The following TMOD3 variants were observed in gnomAD, a reference collection of about 807,000 sequenced individuals.
TMOD3 encodes the protein tropomodulin 3, also known as tropomodulin-3.
A neutral mutation model predicts 39.2 loss-of-function variants in TMOD3; 20 were observed. The ratio of observed to expected loss-of-function variants is 0.51; its 90% confidence interval spans 0.36 to 0.74. The LOEUF is 0.74. Among genes scored for constraint, TMOD3 ranks in the 30% least tolerant of loss-of-function variants. The probability of loss-of-function intolerance (pLI) is 0.00; values close to 1 mark genes in which losing one functional copy is unlikely to be tolerated. For missense variants in TMOD3, 381 were observed against 412.8 expected (o/e 0.92, Z 0.67); for synonymous variants, 143 against 145.8 (o/e 0.98, Z 0.14).
In TMOD3 at chr15:51,901,901, T is replaced by A. The variant is rs750092214; in HGVS notation, c.889T>A (p.Leu297Met). The A allele has an allele frequency of 8.7e-6, 14 of 1,613,758 alleles. No individual in the cohort carries two copies. In the East Asian group the frequency reaches 3.1e-4, roughly 36 times the overall value. The change falls in exon 9 of 10, where the codon TTG becomes ATG. Residue 297 changes from leucine (L) to methionine (M), a missense_variant. Transcript: ENST00000308580. ...ELKIDNQRQQ[L>M]GTAVELEMAK... ...TTTCTAATTACTCCAGAGGCAGCAG[T>A]TGGGGACAGCTGTAGAATTGGAAAT...
chr15:51,832,203 T>TATATATATATATATATATATATATATA (rs1555464768), intron 1 of TMOD3, among the ~76,000 whole-genome samples: 1 of 79,332 alleles, frequency 1.3e-5, no homozygotes, highest in Non-Finnish European at 2.7e-5. Context: ...AGAAAAAAAA[T>TATATATATATATATATATATATATATA]TATATATATA....
At chr15:51,863,153 C>G (rs1464698894) in intron 2 of TMOD3, 143 bp downstream of exon 2, 4 of 760,994 alleles carry the variant, frequency 5.3e-6, no homozygotes, top group African/African-American at 1.8e-5. Context: ...GCTTTTGGCT[C>G]TCTCTCCAGT....
intron 7 of TMOD3, among the ~76,000 whole-genome samples, chr15:51,899,350 G>C (rs2141706861): frequency 6.6e-6 from 1 of 152,268 alleles, no homozygotes. Context: ...AAAATCAAAA[G>C]ATTATGACTG....
At chr15:51,895,890 C>T (rs918613165) in intron 6 of TMOD3, among the ~76,000 whole-genome samples, 4 of 152,152 alleles carry the variant, frequency 2.6e-5, no homozygotes, top group Non-Finnish European at 5.9e-5. Context: ...GGGTGGATCA[C>T]CTGAGGTCAG....
At chr15:51,861,349 G>T in intron 1 of TMOD3, 1 of 208,150 alleles carries the variant, frequency 4.8e-6, no homozygotes, top group South Asian at 8.5e-5. Context: ...CGTGCAGGAA[G>T]CTCCCCCATT....
rs555202593 is a variant in TMOD3 at position 51,905,800 on chromosome 15, T to C, written c.1025-2976T>C. Reference sequence around the variant, plus strand: ...TCTACTAAAAATACAAAAAATTAGCTGGGCGCGGTGGCGGGCGCCTGTAGT... The same window carrying C: ...TCTACTAAAAATACAAAAAATTAGCCGGGCGCGGTGGCGGGCGCCTGTAGT... On this transcript the variant is annotated intron_variant, in intron 9 of 9. Coordinates refer to ENST00000308580, the MANE Select transcript of TMOD3 (RefSeq NM_014547.5). Among the ~76,000 whole-genome samples the C allele has an allele frequency of 3.0e-4, 45 of 151,644 alleles. 1 individual carries two copies. In the South Asian group the frequency reaches 8.3e-3, roughly 28 times the overall value.
intron 1 of TMOD3, among the ~76,000 whole-genome samples, chr15:51,848,812 C>T (rs2056347674): frequency 6.6e-6 from 1 of 152,186 alleles, no homozygotes; most frequent in South Asian, 2.1e-4. Flanking sequence ...GAAACAAAGG[C>T]AAAGCTGAAT....
intron 3 of TMOD3, among the ~76,000 whole-genome samples, chr15:51,878,527 T>G (rs2056517104): frequency 6.6e-6 from 1 of 152,192 alleles, no homozygotes; most frequent in African/African-American, 2.4e-5. Flanking sequence ...CTGTTCTATT[T>G]CCCTGTTAAA....
intron 3 of TMOD3, among the ~76,000 whole-genome samples, chr15:51,881,561 T>C (rs1003545059): frequency 3.7e-5 from 5 of 136,064 alleles, no homozygotes; most frequent in African/African-American, 8.6e-5. Flanking sequence ...TTTTTTTTTT[T>C]TTTTTTTTTT....
At chr15:51,852,029 C>T (rs1410020293) in intron 1 of TMOD3, among the ~76,000 whole-genome samples, 1 of 152,188 alleles carries the variant, frequency 6.6e-6, no homozygotes, top group Non-Finnish European at 1.5e-5. Context: ...CCTTATAGTA[C>T]TTATTGCTGT....
intron 3 of TMOD3, among the ~76,000 whole-genome samples, chr15:51,871,815 T>TA (rs1332529496): frequency 2.6e-5 from 4 of 152,234 alleles, no homozygotes; most frequent in African/African-American, 7.2e-5. Context: ...TTTTACTTCT[T>TA]ACTTTAGGTT....
At position 51,910,261 on chromosome 15, in the gene TMOD3, C is replaced by G. The variant is rs757394817; in HGVS notation, c.*1451C>G. 1 of 152,174 alleles carries G rather than the reference C, an allele frequency of 6.6e-6. No individual in the cohort carries two copies. The highest frequency in any genetic ancestry group is 6.6e-5 in the Admixed American group (1 of 15,264). 9.4% of individuals were successfully genotyped at this position (152,174 alleles called of 1,614,324 possible). On this transcript the variant is annotated 3_prime_UTR_variant, in exon 10 of 10. Transcript: ENST00000308580. ...CTCATTTCTGAGGAAGGCAAGGTGG[C>G]TAATCATTATTAATTTTTTTTAAAC... is the stretch of plus-strand genomic sequence containing the variant.
chr15:51,845,420 C>G (rs1315826439), intron 1 of TMOD3, among the ~76,000 whole-genome samples: 1 of 152,194 alleles, frequency 6.6e-6, no homozygotes, highest in Non-Finnish European at 1.5e-5. Context: ...CACCCTCAGT[C>G]TGATGCTGGG....
intron 1 of TMOD3, among the ~76,000 whole-genome samples, chr15:51,842,936 A>G (rs1237421481): frequency 1.3e-5 from 2 of 152,232 alleles, no homozygotes. Flanking sequence ...TACCAGTGGT[A>G]TCTCTAAGTC....
chr15:51,896,342 ACC>A lies in TMOD3; in HGVS notation c.628-76_628-75del, dbSNP rs1451939164. 24 of 1,050,408 alleles carry A rather than the reference ACC, an allele frequency of 2.3e-5. 1 individual carries two copies. In the African/African-American group the frequency reaches 2.6e-4, roughly 11 times the overall value. The allele number at this position is 1,050,408 out of a possible 1,614,324, so 65.1% of individuals were successfully genotyped here. A position where few individuals can be genotyped will look rare whatever the true frequency, so the allele number is the denominator to read the frequency against. ...CTGAATACATTTTAAAGCAAAAAAA[ACC>A]ATATATTTGATTAATGGAAACTAAA... On this transcript the variant is annotated intron_variant, in intron 6 of 9. Coordinates refer to ENST00000308580, the MANE Select transcript of TMOD3 (RefSeq NM_014547.5).
At chr15:51,859,974 T>C (rs2056408723) in intron 1 of TMOD3, 23 of 545,842 alleles carry the variant, frequency 4.2e-5, no homozygotes, top group South Asian at 3.2e-4. Context: ...TTAGTAAATC[T>C]TTCCAAGCAA....
intron 3 of TMOD3, among the ~76,000 whole-genome samples, chr15:51,875,723 C>T (rs1038620242): frequency 1.5e-4 from 23 of 149,122 alleles, no homozygotes; most frequent in African/African-American, 5.2e-4. Context: ...TCATGCCATT[C>T]ACCTGCCTCA....
At chr15:51,844,652 T>A (rs1046518092) in intron 1 of TMOD3, among the ~76,000 whole-genome samples, 1 of 152,244 alleles carries the variant, frequency 6.6e-6, no homozygotes, top group African/African-American at 2.4e-5. Context: ...GCTACTTTAG[T>A]ATTCTTACTA....
intron 1 of TMOD3, among the ~76,000 whole-genome samples, chr15:51,832,742 G>A (rs1972689): frequency 0.47 from 71,483 of 151,928 alleles, 17,089 homozygotes; most frequent in Admixed American, 0.54. Context: ...GCGGATAAAA[G>A]TATACCTGGA....
Sources: gnomAD v4.1 joint callset for allele counts (sites outside exome capture counted in the v4.1 genomes callset) on GRCh38, gnomAD v4.1.1 for gene constraint, MANE v1.5 for transcripts, NCBI Gene and HGNC (gene_info 2026-07-23, HGNC 2026-07-21) for gene names.